The following PCDH9 variants were observed in gnomAD, a reference collection of about 807,000 sequenced individuals.
PCDH9 encodes the protein protocadherin 9.
Under a neutral mutation model 70.6 loss-of-function variants are expected in PCDH9, and 24 were observed. The observed-to-expected ratio is 0.34, with a 90% confidence interval of 0.25 to 0.48. PCDH9 has a LOEUF of 0.48. Ranked by LOEUF, PCDH9 falls within the 20% of genes least tolerant of loss-of-function variation. The pLI is 0.99. For missense variants in PCDH9, 1,281 were observed against 1,503.6 expected (o/e 0.85, Z 2.45); for synonymous variants, 562 against 558.5 (o/e 1.01, Z -0.09).
At chr13:66,899,064 C>T (rs2082233188) in intron 3 of PCDH9, among the ~76,000 whole-genome samples, 2 of 152,006 alleles carry the variant, frequency 1.3e-5, no homozygotes, top group African/African-American at 4.8e-5. Context: ...CCCTCTTACT[C>T]ACCATTTGAC....
intron 4 of PCDH9, among the ~76,000 whole-genome samples, chr13:66,334,439 C>T (rs1273315723): frequency 6.6e-6 from 1 of 151,970 alleles, no homozygotes; most frequent in African/African-American, 2.4e-5. Context: ...GGTCTTCAAA[C>T]CATCAGGTTG....
At chr13:66,365,948 ATATAAT>A (rs1194200944) in intron 4 of PCDH9, among the ~76,000 whole-genome samples, 1 of 152,160 alleles carries the variant, frequency 6.6e-6, no homozygotes, top group Non-Finnish European at 1.5e-5. Flanking sequence ...AAGAGAAATC[ATATAAT>A]TATATAGGCA....
At chr13:66,889,265 T>G (rs939998525) in intron 3 of PCDH9, among the ~76,000 whole-genome samples, 4 of 152,204 alleles carry the variant, frequency 2.6e-5, no homozygotes, top group African/African-American at 9.7e-5. Context: ...ACGAAGCAGT[T>G]ATAGAATTTA....
chr13:67,165,150 T>G (rs1330598732), intron 2 of PCDH9, among the ~76,000 whole-genome samples: 1 of 152,158 alleles, frequency 6.6e-6, no homozygotes, highest in East Asian at 1.9e-4. Context: ...AAATTAAAAC[T>G]TAATTTCTTT....
intron 2 of PCDH9, among the ~76,000 whole-genome samples, chr13:67,023,090 A>G (rs1275753767): frequency 6.6e-6 from 1 of 151,960 alleles, no homozygotes; most frequent in Non-Finnish European, 1.5e-5. Flanking sequence ...CTACTTTGAA[A>G]CTTCTGTTCT....
At chr13:67,079,142 A>G (rs995435588) in intron 2 of PCDH9, among the ~76,000 whole-genome samples, 1 of 152,058 alleles carries the variant, frequency 6.6e-6, no homozygotes, top group African/African-American at 2.4e-5. Context: ...AGTGTGTAAT[A>G]TAATTACTAT....
At chr13:67,033,320 A>G (rs1012937983) in intron 2 of PCDH9, among the ~76,000 whole-genome samples, 3 of 152,224 alleles carry the variant, frequency 2.0e-5, no homozygotes, top group Non-Finnish European at 4.4e-5. Context: ...AGGAAAGGTA[A>G]AAATGAAAGA....
intron 4 of PCDH9, among the ~76,000 whole-genome samples, chr13:66,329,883 AG>A (rs1955910537): frequency 1.3e-5 from 2 of 152,256 alleles, no homozygotes; most frequent in African/African-American, 2.4e-5. Context: ...GAAGCAAAAC[AG>A]GTCTTTCTTA....
chr13:66,807,357 A>G (rs2080426932), intron 3 of PCDH9, among the ~76,000 whole-genome samples: 1 of 152,164 alleles, frequency 6.6e-6, no homozygotes, highest in Non-Finnish European at 1.5e-5. Context: ...ACACTATTAT[A>G]CTATTTTTCA....
At chr13:67,019,172 C>G (rs2084623436) in intron 2 of PCDH9, among the ~76,000 whole-genome samples, 2 of 149,242 alleles carry the variant, frequency 1.3e-5, no homozygotes, top group South Asian at 4.2e-4. Context: ...CTCCTTAACA[C>G]CTTCAGGCAG....
intron 4 of PCDH9, among the ~76,000 whole-genome samples, chr13:66,562,906 T>G (rs2076596086): frequency 6.6e-6 from 1 of 152,180 alleles, no homozygotes; most frequent in Admixed American, 6.5e-5. Flanking sequence ...AGTATATGCA[T>G]GTGTATGTTT....
In PCDH9 at chr13:66,326,089, T is replaced by G. The variant is rs569275885; in HGVS notation, c.3341-21061A>C. ...TCCAACCGCCTTGTTTTTACTCACCTCTGGCTTCTCACATTTTTAGTAGTC... is the reference window on the plus strand; with the variant it reads ...TCCAACCGCCTTGTTTTTACTCACCGCTGGCTTCTCACATTTTTAGTAGTC... On this transcript the variant is annotated intron_variant, in intron 4 of 4. Coordinates refer to ENST00000377865, the MANE Select transcript of PCDH9 (RefSeq NM_203487.3). Among the ~76,000 whole-genome samples the G allele has an allele frequency of 5.3e-5, 8 of 152,270 alleles. No individual in the cohort carries two copies. In the South Asian group the frequency reaches 1.2e-3, roughly 24 times the overall value.
At chr13:66,752,413 C>T (rs1472125600) in intron 3 of PCDH9, among the ~76,000 whole-genome samples, 3 of 152,084 alleles carry the variant, frequency 2.0e-5, no homozygotes, top group Non-Finnish European at 4.4e-5. Context: ...CCTCCCATCT[C>T]AGCCTCCCAA....
At chr13:66,652,508 T>C (rs1387006670) in intron 3 of PCDH9, among the ~76,000 whole-genome samples, 1 of 152,022 alleles carries the variant, frequency 6.6e-6, no homozygotes, top group Non-Finnish European at 1.5e-5. Context: ...AAGATATCTA[T>C]GTTCATGAAT....
At position 66,851,630 on chromosome 13, in the gene PCDH9, C is replaced by G. The variant is rs537977842; in HGVS notation, c.3138+51874G>C. Among the ~76,000 whole-genome samples, 34 of 151,358 alleles carry G rather than the reference C, an allele frequency of 2.2e-4. 1 individual carries two copies. The highest frequency in any genetic ancestry group is 1.3e-3 in the Admixed American group (20 of 15,192). ...ACACTCATTTTATTGACTCTGTGAC[C>G]TTGAGCAAGTTATTAGGTTGGTGCA... is the stretch of plus-strand genomic sequence containing the variant. On this transcript the variant is annotated intron_variant, in intron 3 of 4. Transcript: ENST00000377865.
intron 2 of PCDH9, among the ~76,000 whole-genome samples, chr13:67,176,401 A>G (rs1441049905): frequency 1.7e-4 from 26 of 152,040 alleles, no homozygotes; most frequent in Admixed American, 1.7e-3. Context: ...CACTCTCTTC[A>G]TTTATCTCCT....
intron 3 of PCDH9, among the ~76,000 whole-genome samples, chr13:66,880,569 A>C (rs372355963): frequency 7.7e-4 from 118 of 152,326 alleles, no homozygotes; most frequent in African/African-American, 2.7e-3. Context: ...ATCTGATTTT[A>C]TTCAAGTATC....
rs559833942 is a variant in PCDH9, at chr13:67,190,079, A to T, written c.3036+35326T>A. Among the ~76,000 whole-genome samples, 3 of 152,140 alleles carry T rather than the reference A, an allele frequency of 2.0e-5. No homozygotes were observed. The South Asian group carries it at 6.2e-4, about 32-fold the overall frequency. ...CCAGTCTCATTTTGTAAGGCTTATA[A>T]TATTAAAAAGTTTTGTGAAGGTCCT... On this transcript the variant is annotated intron_variant, in intron 2 of 4. Coordinates refer to ENST00000377865, the MANE Select transcript of PCDH9 (RefSeq NM_203487.3).
At chr13:66,486,062 A>G (rs1958934347) in intron 4 of PCDH9, among the ~76,000 whole-genome samples, 1 of 152,170 alleles carries the variant, frequency 6.6e-6, no homozygotes, top group Non-Finnish European at 1.5e-5. Flanking sequence ...ATATTAAAAT[A>G]TGTTATCATA....
Sources: gnomAD v4.1 joint callset for allele counts (sites outside exome capture counted in the v4.1 genomes callset) on GRCh38, gnomAD v4.1.1 for gene constraint, MANE v1.5 for transcripts, NCBI Gene and HGNC (gene_info 2026-07-23, HGNC 2026-07-21) for gene names.